The following KIDINS220 variants were observed in gnomAD, a reference collection of about 807,000 sequenced individuals.
KIDINS220 encodes kinase D-interacting substrate of 220 kDa.
A neutral mutation model predicts 157.6 loss-of-function variants in KIDINS220; 63 were observed. The observed-to-expected ratio is 0.40, with a 90% confidence interval of 0.33 to 0.49. The LOEUF (loss-of-function observed/expected upper bound fraction) is 0.49. Among genes scored for constraint, KIDINS220 ranks in the 20% least tolerant of loss-of-function variants. KIDINS220 has a pLI of 0.66. For synonymous variants in KIDINS220, 732 were observed against 783.6 expected (o/e 0.93, Z 1.10); for missense variants, 1,772 against 2,171.2 (o/e 0.82, Z 3.65).
chr2:8,799,413 A>G (rs1674388750), intron 9 of KIDINS220, among the ~76,000 whole-genome samples: 1 of 152,010 alleles, frequency 6.6e-6, no homozygotes, highest in African/African-American at 2.4e-5. Context: ...CTGGGATTAC[A>G]GGCATCAGCA....
At chr2:8,741,782 A>C (rs1665661183) in intron 26 of KIDINS220, among the ~76,000 whole-genome samples, 1 of 152,256 alleles carries the variant, frequency 6.6e-6, no homozygotes, top group African/African-American at 2.4e-5. Context: ...GTCTGGCACA[A>C]AGACTTTCAA....
At chr2:8,740,081 G>T in intron 26 of KIDINS220, 3 of 609,788 alleles carry the variant, frequency 4.9e-6, no homozygotes, top group Non-Finnish European at 6.2e-6. Flanking sequence ...AGACAGCCCA[G>T]CATGAAGTTG....
chr2:8,731,525 T>C lies in KIDINS220; in HGVS notation c.4511A>G (p.Gln1504Arg). The C allele has an allele frequency of 6.2e-7, 1 of 1,614,228 alleles. No individual in the cohort carries two copies. Among genetic ancestry groups the C allele is most frequent in the Non-Finnish European group, 8.5e-7 (1 of 1,180,044 alleles). ...ACTTCCCTTAAGCTTCAAATCTGTC[T>C]GGAAGAGGCTTGACCTTTCGGAAGA... ...KKSSERSSLF[Q>R]TDLKLKGSGL... Residue 1504 changes from glutamine to arginine, a missense_variant, in exon 30 of 30, where the codon CAG becomes CGG. Gln to Arg is a conservative substitution (Grantham distance 43). Coordinates refer to ENST00000256707, the MANE Select transcript of KIDINS220 (RefSeq NM_020738.4). This position sits in a 1 kb window ranked among gnomAD's most constrained non-coding sequence, Gnocchi z 5.2.
chr2:8,744,528 C>T (rs1278386980), intron 26 of KIDINS220, among the ~76,000 whole-genome samples: 2 of 146,974 alleles, frequency 1.4e-5, no homozygotes, highest in Non-Finnish European at 3.0e-5. Context: ...TGTGACATGA[C>T]AATTTGTCCA....
intron 22 of KIDINS220, among the ~76,000 whole-genome samples, chr2:8,764,234 G>C (rs1044314270): frequency 2.0e-5 from 3 of 152,072 alleles, no homozygotes; most frequent in African/African-American, 7.2e-5. Flanking sequence ...AGACTTTAGA[G>C]ACTCAGAAGG....
intron 22 of KIDINS220, among the ~76,000 whole-genome samples, chr2:8,759,897 A>C (rs1000345040): frequency 3.3e-5 from 5 of 152,106 alleles, no homozygotes; most frequent in Admixed American, 6.6e-5. Flanking sequence ...GCATCCCATA[A>C]GGTATTTATT....
chr2:8,797,988 T>C (rs1674196329), intron 10 of KIDINS220, among the ~76,000 whole-genome samples: 1 of 152,206 alleles, frequency 6.6e-6, no homozygotes, highest in Non-Finnish European at 1.5e-5. Flanking sequence ...ATATTGCACT[T>C]CCTGAGAAGT....
intron 22 of KIDINS220, among the ~76,000 whole-genome samples, chr2:8,769,141 C>G (rs919063868): frequency 6.6e-6 from 1 of 152,178 alleles, no homozygotes; most frequent in Non-Finnish European, 1.5e-5. Context: ...CTATCCCCAC[C>G]TAACACCTCT....
intron 22 of KIDINS220, among the ~76,000 whole-genome samples, chr2:8,768,634 C>T (rs1307930888): frequency 6.6e-6 from 1 of 152,030 alleles, no homozygotes; most frequent in African/African-American, 2.4e-5. Flanking sequence ...ATTGTTTTTA[C>T]CAAATCATAT....
At chr2:8,787,573 C>T (rs922193067) in intron 15 of KIDINS220, among the ~76,000 whole-genome samples, 17 of 151,894 alleles carry the variant, frequency 1.1e-4, no homozygotes, top group African/African-American at 3.4e-4. Flanking sequence ...TTTGCCTTTA[C>T]CCAGGCTTGT....
chr2:8,731,775 T>G lies in KIDINS220; in HGVS notation c.4261A>C (p.Ser1421Arg). ...GAATGAATAGAGCCCCCTGATGAAC[T>G]CTGACCCATGTAATATGTGCTATGT... is the stretch of plus-strand genomic sequence containing the variant. Reference protein sequence around the residue: ...SPHSTYYMGQSSSGGSIHSNL... With the variant: ...SPHSTYYMGQRSSGGSIHSNL... Residue 1421 changes from serine to arginine, a missense_variant, in exon 30 of 30, where the codon AGT (serine) becomes CGT (arginine). Coordinates refer to ENST00000256707, the MANE Select transcript of KIDINS220 (RefSeq NM_020738.4). This position sits in a 1 kb window ranked among gnomAD's most constrained non-coding sequence, Gnocchi z 5.2. 6 of 1,614,176 alleles carry G rather than the reference T, an allele frequency of 3.7e-6. No homozygotes were observed. Among genetic ancestry groups the G allele is most frequent in the South Asian group, 1.1e-5 (1 of 91,076 alleles).
At chr2:8,820,565 AC>A (rs2148408450) in intron 2 of KIDINS220, among the ~76,000 whole-genome samples, 1 of 152,378 alleles carries the variant, frequency 6.6e-6, no homozygotes, top group African/African-American at 2.4e-5. Context: ...AGTATCGGTC[AC>A]GTTAAATATA....
chr2:8,736,905 T>C lies in KIDINS220; in HGVS notation c.3680A>G (p.Gln1227Arg). ...EKLKQIEGLD[Q>R]SMLPQYCTTI... is the part of the protein sequence containing the mutation. The stretch of plus-strand genomic sequence containing the variant: ...GGTACAATACTGAGGCAGCATACTC[T>C]GGTCCAGCCCTTCTATTTGTTTCAG... The change falls in exon 27 of 30, where the codon CAG becomes CGG. Residue 1227 changes from glutamine (Q) to arginine (R), a missense_variant. Physicochemically the swap from Gln to Arg is conservative, Grantham distance 43. Coordinates refer to ENST00000256707, the MANE Select transcript of KIDINS220 (RefSeq NM_020738.4). 6.2e-7 allele frequency: 1 copy of C among 1,614,234 alleles called. No individual in the cohort carries two copies. The highest frequency in any genetic ancestry group is 8.5e-7 in the Non-Finnish European group (1 of 1,180,034).
Position 8,750,247 on chromosome 2 carries a change from T to A in KIDINS220, c.3279A>T (p.Ser1093=), listed in dbSNP as rs373472346. The change falls in exon 24 of 30, where the codon TCA becomes TCT. Residue 1093 remains serine (S), a synonymous_variant. Coordinates refer to ENST00000256707, the MANE Select transcript of KIDINS220 (RefSeq NM_020738.4). ...ACACGGATGGGGGCTGGCTGTACCC[T>A]GATGGCGCCCTAGGAGGACCCTCAT... is the stretch of plus-strand genomic sequence containing the variant. ...PLHEGPPRAP[S]GYSQPPSVCS... The A allele has an allele frequency of 2.3e-5, 37 of 1,613,858 alleles. No homozygotes were observed. The highest frequency in any genetic ancestry group is 3.1e-5 in the Non-Finnish European group (37 of 1,179,916).
Position 8,733,436 on chromosome 2 carries a change from A to G in KIDINS220, c.4053+8T>C, listed in dbSNP as rs1031289523. 6.2e-7 allele frequency: 1 copy of G among 1,606,578 alleles called. No homozygotes were observed. The highest frequency in any genetic ancestry group is 8.5e-7 in the Non-Finnish European group (1 of 1,173,970). On this transcript the variant is annotated splice_region_variant and intron_variant, in intron 29 of 29. Coordinates refer to ENST00000256707, the MANE Select transcript of KIDINS220 (RefSeq NM_020738.4). ...TCAATAATATGAAAAATGCCATTCA[A>G]TAAATACCTGCCAACTTAGATTACT...
intron 24 of KIDINS220, 74 bp from the exon 25 acceptor site, chr2:8,748,074 A>T (rs1365693488): frequency 2.4e-6 from 2 of 819,926 alleles, no homozygotes; most frequent in African/African-American, 3.5e-5. Flanking sequence ...TTTCAAATGA[A>T]ACCAATAAGA....
chr2:8,756,824 T>C (rs1048336244), intron 22 of KIDINS220, among the ~76,000 whole-genome samples: 2 of 152,204 alleles, frequency 1.3e-5, no homozygotes, highest in Admixed American at 6.5e-5. Context: ...GGTTTGGGCT[T>C]CAACACGAAA....
intron 22 of KIDINS220, among the ~76,000 whole-genome samples, chr2:8,754,443 CTTCACTT>C (rs1667745210): frequency 6.6e-6 from 1 of 152,176 alleles, no homozygotes. Context: ...ATTTAAGTAA[CTTCACTT>C]TTCAGTTAAG....
chr2:8,829,645 G>C (rs187186378), intron 1 of KIDINS220, among the ~76,000 whole-genome samples: 2 of 152,060 alleles, frequency 1.3e-5, no homozygotes, highest in African/African-American at 2.4e-5. Flanking sequence ...AAAAGATTAA[G>C]AGCTATATAT....
Sources: gnomAD v4.1 joint callset for allele counts (sites outside exome capture counted in the v4.1 genomes callset) on GRCh38, gnomAD v4.1.1 for gene constraint, Gnocchi (gnomAD v3.1) non-coding constraint, MANE v1.5 for transcripts, NCBI Gene and HGNC (gene_info 2026-07-23, HGNC 2026-07-21) for gene names.